The following SUMF2 variants were observed in gnomAD, a reference collection of about 807,000 sequenced individuals.
The protein encoded by SUMF2 is sulfatase modifying factor 2.
In SUMF2, 45 loss-of-function variants were observed where a neutral mutation model predicts 44.8. That is an observed-to-expected ratio of 1.00 (90% CI 0.79 to 1.29). SUMF2 has a LOEUF of 1.29. Ranked by LOEUF, SUMF2 falls within the 50% of genes most tolerant of loss-of-function variation. The probability of loss-of-function intolerance (pLI) is 0.00; values close to 1 mark genes in which losing one functional copy is unlikely to be tolerated. For synonymous variants in SUMF2, 148 were observed against 150.4 expected, an observed-to-expected ratio of 0.98 and a Z score of 0.12; for missense variants, 418 against 389.9, an observed-to-expected ratio of 1.07 and a Z score of -0.61.
chr7:56,079,559 A>G lies in SUMF2; in HGVS notation c.853A>G (p.Asn285Asp). The G allele has an allele frequency of 3.7e-6, 6 of 1,613,990 alleles. No homozygotes were observed. The highest frequency in any genetic ancestry group is 5.1e-6 in the Non-Finnish European group (6 of 1,179,858). Residue 285 changes from asparagine to aspartate, a missense_variant, in exon 9 of 9, where the codon AAC (asparagine) becomes GAC (aspartate). Physicochemically the swap from Asn to Asp is conservative, Grantham distance 23 (BLOSUM62 1). Coordinates refer to ENST00000434526, the MANE Select transcript of SUMF2 (RefSeq NM_015411.4). ...CAACACTCCAGATTCAGCCTCAGAC[A>G]ACCTCGGTTTCCGCTGTGCTGCAGA... ...MGNTPDSASD[N>D]LGFRCAADAG...
chr7:56,082,617 GA>G (rs1212522435), downstream of SUMF2, among the ~76,000 whole-genome samples: 1 of 151,978 alleles, frequency 6.6e-6, no homozygotes. Flanking sequence ...GAAGTCCAAA[GA>G]GACAATGGAG....
At chr7:56,087,447 C>T in the SUMF2 span, 2 of 692,588 alleles carry the variant, frequency 2.9e-6, no homozygotes, top group Non-Finnish European at 4.8e-6. Flanking sequence ...TGCCTGGGAC[C>T]CCTTCTATCA....
downstream of SUMF2, chr7:56,083,748 T>G: frequency 6.9e-7 from 1 of 1,449,382 alleles, no homozygotes; most frequent in East Asian, 2.4e-5. Context: ...GCTGGATCGG[T>G]CCCAAGACCA....
intron 6 of SUMF2, 72 bp downstream of exon 6, chr7:56,076,961 G>A: frequency 6.8e-7 from 1 of 1,467,646 alleles, no homozygotes; most frequent in Non-Finnish European, 9.3e-7. Flanking sequence ...GTGTTGTTAG[G>A]CCGCGGCATC....
In SUMF2 at chr7:56,074,737, G is replaced by A. The variant is rs1795425774; in HGVS notation, c.535+1G>A. The A allele has an allele frequency of 6.2e-7, 1 of 1,614,002 alleles. No homozygotes were observed. Among genetic ancestry groups the A allele is most frequent in the African/African-American group, 1.3e-5 (1 of 74,920 alleles). ...TTTGCCGCCCGAGGGGGCTTGAAGG[G>A]TATCCAGATGATAAGGCGATTTTCC... On this transcript the variant is annotated splice_donor_variant, in intron 5 of 8. Transcript: ENST00000434526. LOFTEE classifies it high-confidence loss of function.
chr7:56,066,539 C>G (rs956405845), intron 1 of SUMF2, among the ~76,000 whole-genome samples: 18 of 152,130 alleles, frequency 1.2e-4, no homozygotes, highest in South Asian at 4.1e-4. Flanking sequence ...CTCCGCCCCC[C>G]CAGGTTCAAG....
At chr7:56,074,069 C>T in intron 3 of SUMF2, 105 bp from the exon 4 acceptor site, 1 of 879,516 alleles carries the variant, frequency 1.1e-6, no homozygotes, top group Non-Finnish European at 1.9e-6. Context: ...ACTTAGACCA[C>T]CTGAGTCTCA....
At chr7:56,075,147 C>CTT (rs922906998) in intron 5 of SUMF2, among the ~76,000 whole-genome samples, 12 of 150,462 alleles carry the variant, frequency 8.0e-5, no homozygotes, top group Non-Finnish European at 1.6e-4. Context: ...TTCCCTAGAG[C>CTT]AGTGCTTCTT....
At chr7:56,084,149 C>T (rs980769901), downstream of SUMF2, 1 of 1,517,028 alleles carries the variant, frequency 6.6e-7, no homozygotes, top group Non-Finnish European at 8.8e-7. Context: ...TGAGCAGTAC[C>T]TTGCCCTGCC....
In SUMF2 at chr7:56,079,814, ATG is replaced by A. The variant is rs1475027901; in HGVS notation, c.*208_*209del. The stretch of plus-strand genomic sequence containing the variant: ...TCCTGTGTTTTGGAGAAGGGGCCCA[ATG>A]TGTGTTGACGATGGCTGGGGGCCAG... On this transcript the variant is annotated 3_prime_UTR_variant, in exon 9 of 9. Coordinates refer to ENST00000434526, the MANE Select transcript of SUMF2 (RefSeq NM_015411.4). 6 of 1,552,390 alleles carry A rather than the reference ATG, an allele frequency of 3.9e-6. No homozygotes were observed. In the East Asian group the frequency reaches 1.5e-4, roughly 38 times the overall value.
Position 56,068,486 on chromosome 7 carries a change from T to C in SUMF2, c.72T>C (p.Asn24=). The change falls in exon 2 of 9, where the codon AAT becomes AAC. Residue 24 remains asparagine, a synonymous_variant. Transcript: ENST00000434526. ...LLVGAWLKLG[N]GQATSMVQLQ... ...AACTCTCTTTTTTCTCTGCAGGAAA[T>C]GGACAGGCTACTAGCATGGTCCAAC... is the stretch of plus-strand genomic sequence containing the variant. The C allele has an allele frequency of 1.2e-6, 2 of 1,600,412 alleles. No individual in the cohort carries two copies. Among genetic ancestry groups the C allele is most frequent in the Non-Finnish European group, 1.7e-6 (2 of 1,176,822 alleles).
downstream of SUMF2, chr7:56,083,432 C>A: frequency 6.2e-7 from 1 of 1,614,176 alleles, no homozygotes; most frequent in Non-Finnish European, 8.5e-7. Flanking sequence ...GCAGAGCTCG[C>A]ATGATCTTTC....
chr7:56,080,979 C>A, downstream of SUMF2: 1 of 1,558,678 alleles, frequency 6.4e-7, no homozygotes, highest in Non-Finnish European at 8.7e-7. Context: ...CTGCACGCAT[C>A]TCACCCCTTT....
chr7:56,068,589 G>A lies in SUMF2; in HGVS notation c.175G>A (p.Val59Met), dbSNP rs755575657. 5 of 1,613,902 alleles carry A rather than the reference G, an allele frequency of 3.1e-6. No homozygotes were observed. The highest frequency in any genetic ancestry group is 3.3e-4 in the Middle Eastern group (2 of 6,062). The change falls in exon 2 of 9, where the codon GTG becomes ATG. Residue 59 changes from valine (V) to methionine (M), a missense_variant. Physicochemically the swap from Val to Met is conservative, Grantham distance 21. Transcript: ENST00000434526. ...DGDGPVREATVKPFAIDIFPV... is the reference protein window; with the variant it reads ...DGDGPVREATMKPFAIDIFPV... The stretch of plus-strand genomic sequence containing the variant: ...TGACGGGCCTGTGCGGGAGGCGACA[G>A]TGAAACCCTTTGCCATCGACATATT...
intron 3 of SUMF2, 194 bp from the exon 4 acceptor site, chr7:56,073,980 A>T (rs1313974881): frequency 1.7e-6 from 1 of 599,926 alleles, no homozygotes. Flanking sequence ...GTGCCACTGC[A>T]CTCTAGCCTG....
chr7:56,072,121 CAA>C (rs35164639), intron 2 of SUMF2, among the ~76,000 whole-genome samples: 138 of 52,742 alleles, frequency 2.6e-3, no homozygotes, highest in African/African-American at 7.8e-3. Flanking sequence ...GACTCTGTCT[CAA>C]AAAAAAAAAA....
chr7:56,083,164 A>AT (rs1796098515), downstream of SUMF2: 6 of 957,634 alleles, frequency 6.3e-6, no homozygotes, highest in East Asian at 7.8e-5. Context: ...AAATGGTGGA[A>AT]TTTTTATTCC....
chr7:56,085,640 G>C (rs912528455), downstream of SUMF2, among the ~76,000 whole-genome samples: 2 of 152,098 alleles, frequency 1.3e-5, no homozygotes, highest in Non-Finnish European at 2.9e-5. Context: ...CCTCATTACA[G>C]TCGTCCCTAG....
chr7:56,074,102 C>T (rs1311650585), intron 3 of SUMF2, 72 bp from the exon 4 acceptor site: 1 of 1,389,536 alleles, frequency 7.2e-7, no homozygotes, highest in Non-Finnish European at 1.0e-6. Context: ...TGTTCTGCGT[C>T]CTGTGGCTCA....
Sources: gnomAD v4.1 joint callset for allele counts (sites outside exome capture counted in the v4.1 genomes callset) on GRCh38, gnomAD v4.1.1 for gene constraint, MANE v1.5 for transcripts, NCBI Gene and HGNC (gene_info 2026-07-23, HGNC 2026-07-21) for gene names.